SLC12A7: variants seen among roughly 807,000 people sequenced by gnomAD.
SLC12A7 encodes the protein solute carrier family 12 member 7.
SLC12A7 carries 100 observed loss-of-function variants against 120.6 expected under a neutral mutation model. That is an observed-to-expected ratio of 0.83 (90% confidence interval 0.71 to 0.98). The LOEUF (loss-of-function observed/expected upper bound fraction) is 0.98. Ranked by LOEUF, SLC12A7 falls within the 50% of genes least tolerant of loss-of-function variation. SLC12A7 has a pLI of 0.00. For synonymous variants in SLC12A7, 760 were observed against 678.0 expected, an observed-to-expected ratio of 1.12 and a Z score of -1.88; for missense variants, 1,373 against 1,548.1, an observed-to-expected ratio of 0.89 and a Z score of 1.90.
chr5:1,094,234 T>C lies in SLC12A7; in HGVS notation c.139A>G (p.Arg47Gly). ...ERPSPGDGNP[R>G]ENSPFLNNVE... ...TTGTTGAGGAATGGGCTGTTTTCTC[T>C]TGGATTTCCATCTCCTAGTGAGGGA... Residue 47 changes from arginine to glycine, a missense_variant, in exon 2 of 24, where the codon AGA becomes GGA. Physicochemically the swap from Arg to Gly is moderately radical, Grantham distance 125 (BLOSUM62 -2). Coordinates refer to ENST00000264930, the MANE Select transcript of SLC12A7 (RefSeq NM_006598.3). 6.2e-7 allele frequency: 1 copy of C among 1,613,312 alleles called. No homozygotes were observed. Among genetic ancestry groups the C allele is most frequent in the Non-Finnish European group, 8.5e-7 (1 of 1,179,548 alleles).
In SLC12A7 at chr5:1,058,024, C is replaced by T. The variant is rs1229389674; in HGVS notation, c.2848-375G>A. ...CACACGACCAGCACGCAGGCGTCCC[C>T]GTCTCAGGGAGGCTTGGGGCAGGTG... On this transcript the variant is annotated intron_variant, in intron 21 of 23. Transcript: ENST00000264930. Among the ~76,000 whole-genome samples, 8 of 152,228 alleles carry T rather than the reference C, an allele frequency of 5.3e-5. No homozygotes were observed. In the East Asian group the frequency reaches 5.8e-4, roughly 11 times the overall value.
rs564084809 is a variant in SLC12A7 at position 1,106,317 on chromosome 5, G to T, written c.124+5551C>A. On this transcript the variant is annotated intron_variant, in intron 1 of 23. Coordinates refer to ENST00000264930, the MANE Select transcript of SLC12A7 (RefSeq NM_006598.3). ...TAAATATAAAACTTAGCCAGGCGCG[G>T]TGGTGCGTGCCTGTGGTCCCCGCTA... 6.4e-4 allele frequency among the ~76,000 whole-genome samples: 97 copies of T among 152,314 alleles called. 2 individuals are homozygous for T. The South Asian group carries it at 0.017, about 27-fold the overall frequency.
chr5:1,052,702 G>C (rs557313014), intron 23 of SLC12A7, among the ~76,000 whole-genome samples: 2 of 152,140 alleles, frequency 1.3e-5, no homozygotes, highest in Non-Finnish European at 2.9e-5. Flanking sequence ...CAGAGACAGC[G>C]ACACAGCCCA....
chr5:1,057,850 A>G (rs1426647453), intron 21 of SLC12A7, among the ~76,000 whole-genome samples: 1 of 151,904 alleles, frequency 6.6e-6, no homozygotes, highest in Non-Finnish European at 1.5e-5. Flanking sequence ...CTTCCCGACC[A>G]AACGCTCACC....
chr5:1,080,527 G>A (rs1325938964), intron 9 of SLC12A7, among the ~76,000 whole-genome samples: 9 of 152,240 alleles, frequency 5.9e-5, no homozygotes, highest in Non-Finnish European at 8.8e-5. Flanking sequence ...GTGCTGAGAT[G>A]AAGTCCGGGA....
At chr5:1,092,723 G>A (rs1039121097) in intron 3 of SLC12A7, among the ~76,000 whole-genome samples, 1 of 152,002 alleles carries the variant, frequency 6.6e-6, no homozygotes, top group Admixed American at 6.6e-5. Context: ...TTCTTCCGGT[G>A]GATTATTTTT....
chr5:1,078,967 C>T (rs879471118), intron 10 of SLC12A7, among the ~76,000 whole-genome samples: 3 of 152,146 alleles, frequency 2.0e-5, no homozygotes, highest in Admixed American at 1.3e-4. Flanking sequence ...CTCTGTCCAG[C>T]GCCACAGAAC....
At chr5:1,116,373 C>T (rs912258010), upstream of SLC12A7, among the ~76,000 whole-genome samples, 6 of 152,158 alleles carry the variant, frequency 3.9e-5, no homozygotes, top group African/African-American at 7.2e-5. Flanking sequence ...TGGCCAGGTA[C>T]GTGGGGTTCT....
intron 1 of SLC12A7, among the ~76,000 whole-genome samples, chr5:1,108,655 C>T (rs1012532563): frequency 6.6e-6 from 1 of 152,238 alleles, no homozygotes; most frequent in Admixed American, 6.5e-5. Flanking sequence ...TCCCCCAAGT[C>T]CCTGCATCCC....
intron 1 of SLC12A7, among the ~76,000 whole-genome samples, chr5:1,107,898 C>A (rs928278055): frequency 6.6e-6 from 1 of 152,176 alleles, no homozygotes; most frequent in East Asian, 1.9e-4. Context: ...GGAGAGGGAG[C>A]CCCTCACCAC....
intron 1 of SLC12A7, among the ~76,000 whole-genome samples, chr5:1,094,734 A>G (rs958024675): frequency 1.6e-4 from 25 of 152,212 alleles, no homozygotes; most frequent in Admixed American, 4.6e-4. Context: ...CTTGCTGCTT[A>G]ATCCGCCATT....
chr5:1,154,354 AACACACACACACACACAC>A, the SLC12A7 span, among the ~76,000 whole-genome samples: 1 of 141,724 alleles, frequency 7.1e-6, no homozygotes, highest in African/African-American at 2.7e-5. Context: ...TGGTGTCCGC[AACACACACACACACACAC>A]ACACACACAC....
chr5:1,133,115 C>G, the SLC12A7 span, among the ~76,000 whole-genome samples: 1 of 152,194 alleles, frequency 6.6e-6, no homozygotes, highest in Non-Finnish European at 1.5e-5. Context: ...GGAGTTTCAC[C>G]ATGTTGGCCA....
chr5:1,130,679 T>G, the SLC12A7 span, among the ~76,000 whole-genome samples: 3 of 146,100 alleles, frequency 2.1e-5, no homozygotes, highest in Admixed American at 6.9e-5. Flanking sequence ...GGTGCACCTG[T>G]GCCTGCCCAG....
At chr5:1,090,848 A>G (rs1366916451) in intron 3 of SLC12A7, among the ~76,000 whole-genome samples, 1 of 152,230 alleles carries the variant, frequency 6.6e-6, no homozygotes, top group Non-Finnish European at 1.5e-5. Flanking sequence ...TTTAAGGCTC[A>G]ACCTGACCCA....
intron 11 of SLC12A7, chr5:1,078,406 G>A (rs1309530589): frequency 1.8e-6 from 1 of 561,518 alleles, no homozygotes; most frequent in East Asian, 3.0e-5. Context: ...CAGGGCTGAG[G>A]GATCTCCCAG....
At chr5:1,080,770 C>T (rs1230884155) in intron 9 of SLC12A7, among the ~76,000 whole-genome samples, 2 of 152,222 alleles carry the variant, frequency 1.3e-5, no homozygotes, top group East Asian at 1.9e-4. Flanking sequence ...CCGAGGTCCC[C>T]GGCCTCTGAG....
chr5:1,066,086 A>C (rs1376526041), intron 17 of SLC12A7, among the ~76,000 whole-genome samples: 2 of 152,112 alleles, frequency 1.3e-5, no homozygotes, highest in Non-Finnish European at 2.9e-5. Flanking sequence ...CCACGCACTA[A>C]AGCCATGCAT....
At chr5:1,128,913 A>C in the SLC12A7 span, among the ~76,000 whole-genome samples, 23 of 152,222 alleles carry the variant, frequency 1.5e-4, no homozygotes, top group Admixed American at 1.5e-3. Context: ...CTGGACCCTC[A>C]GTCACGCGGC....
Sources: gnomAD v4.1 joint callset for allele counts (sites outside exome capture counted in the v4.1 genomes callset) on GRCh38, gnomAD v4.1.1 for gene constraint, MANE v1.5 for transcripts, NCBI Gene and HGNC (gene_info 2026-07-23, HGNC 2026-07-21) for gene names.